Variants in PGBD5 observed in about 807,000 individuals in gnomAD.
PGBD5 encodes piggyBac transposable element derived 5.
Under a neutral mutation model 47.9 loss-of-function variants are expected in PGBD5, and 14 were observed. The observed-to-expected ratio is 0.29, with a 90% CI of 0.19 to 0.46. The LOEUF (loss-of-function observed/expected upper bound fraction) is 0.46, where lower values mean the gene tolerates loss of function less well. Ranked by LOEUF, PGBD5 falls within the 20% of genes least tolerant of loss-of-function variation. PGBD5 has a pLI of 1.00. For synonymous variants in PGBD5, 316 were observed against 306.3 expected (o/e 1.03, Z -0.33); for missense variants, 635 against 716.0 (o/e 0.89, Z 1.29).
At chr1:230,354,615 A>C (rs1215753943) in intron 2 of PGBD5, among the ~76,000 whole-genome samples, 1 of 152,244 alleles carries the variant, frequency 6.6e-6, no homozygotes, top group East Asian at 1.9e-4. Context: ...ATAGGCTCCA[A>C]GGAGTGGCCA....
intron 1 of PGBD5, among the ~76,000 whole-genome samples, chr1:230,375,346 C>T (rs906498910): frequency 2.0e-5 from 3 of 152,290 alleles, no homozygotes; most frequent in African/African-American, 7.2e-5. Flanking sequence ...AAAACACAAG[C>T]AAGGTCCCTG....
chr1:230,369,089 G>C (rs1176717440), intron 1 of PGBD5, among the ~76,000 whole-genome samples: 2 of 152,176 alleles, frequency 1.3e-5, no homozygotes, highest in Admixed American at 1.3e-4. Flanking sequence ...GACAGAATGA[G>C]AGTCTCGGGT....
chr1:230,328,374 A>T (rs1239953270), intron 5 of PGBD5, among the ~76,000 whole-genome samples: 1 of 152,180 alleles, frequency 6.6e-6, no homozygotes, highest in African/African-American at 2.4e-5. Context: ...CCCAGTTTAT[A>T]AACCAGATCA....
At chr1:230,371,223 T>C (rs1035010406) in intron 1 of PGBD5, among the ~76,000 whole-genome samples, 1 of 152,102 alleles carries the variant, frequency 6.6e-6, no homozygotes, top group African/African-American at 2.4e-5. Flanking sequence ...GGCAATTCTA[T>C]TTTTTTTCTA....
chr1:230,365,232 G>T (rs1001153916), intron 1 of PGBD5, among the ~76,000 whole-genome samples: 4 of 146,138 alleles, frequency 2.7e-5, no homozygotes, highest in African/African-American at 1.0e-4. Context: ...AGAATTGCTT[G>T]AACTCAGGAG....
chr1:230,421,565 A>G (rs535536828), intron 1 of PGBD5, among the ~76,000 whole-genome samples: 32 of 152,300 alleles, frequency 2.1e-4, no homozygotes, highest in African/African-American at 7.5e-4. Context: ...ATAATAATGC[A>G]TGAAAATGCA....
intron 4 of PGBD5, chr1:230,336,164 A>T (rs1166132356): frequency 6.6e-6 from 1 of 152,102 alleles, no homozygotes; most frequent in African/African-American, 2.4e-5. Flanking sequence ...TTCAGGGCCA[A>T]TTTTCTCTTG....
intron 1 of PGBD5, among the ~76,000 whole-genome samples, chr1:230,424,772 T>A (rs111713276): frequency 0.031 from 4,676 of 152,248 alleles, 81 homozygotes; most frequent in South Asian, 0.072. Context: ...GTCTGCAGCT[T>A]TCAAAGAAGG....
Position 230,316,088 on chromosome 1 carries a change from A to G in PGBD5, c.*7337T>C, listed in dbSNP as rs1262467584. 1 of 90,996 alleles carries G rather than the reference A, an allele frequency of 1.1e-5. No homozygotes were observed. The highest frequency in any genetic ancestry group is 3.7e-5 in the African/African-American group (1 of 27,224). 5.6% of individuals were successfully genotyped at this position (90,996 alleles called of 1,614,324 possible). Reference sequence around the variant, plus strand: ...TGTATACATACATGTTTATGTGTATACATACATATGTTTATGTGTACACAT... The same window carrying G: ...TGTATACATACATGTTTATGTGTATGCATACATATGTTTATGTGTACACAT... On this transcript the variant is annotated 3_prime_UTR_variant, in exon 7 of 7. Transcript: ENST00000391860.
intron 5 of PGBD5, among the ~76,000 whole-genome samples, chr1:230,326,042 G>C (rs889563994): frequency 6.6e-6 from 1 of 152,182 alleles, no homozygotes; most frequent in Non-Finnish European, 1.5e-5. Flanking sequence ...TAATTACCCT[G>C]ATCTGATCTC....
intron 1 of PGBD5, among the ~76,000 whole-genome samples, chr1:230,412,240 C>T (rs1657424417): frequency 6.6e-6 from 1 of 152,178 alleles, no homozygotes; most frequent in South Asian, 2.1e-4. Flanking sequence ...AAGGGGTTGA[C>T]CCCAACCCAG....
chr1:230,354,783 A>T (rs1354051970), intron 2 of PGBD5, among the ~76,000 whole-genome samples: 1 of 152,176 alleles, frequency 6.6e-6, no homozygotes, highest in African/African-American at 2.4e-5. Context: ...TGCTAGATGG[A>T]GCTCAGCATC....
At chr1:230,344,232 C>T (rs1571832006) in intron 3 of PGBD5, among the ~76,000 whole-genome samples, 1 of 151,544 alleles carries the variant, frequency 6.6e-6, no homozygotes, top group African/African-American at 2.4e-5. Context: ...TTGCAGTGAG[C>T]CGAGATCACG....
In PGBD5 at chr1:230,362,226, C is replaced by A. The variant is rs577866589; in HGVS notation, c.332-4905G>T. 4.5e-6 allele frequency: 6 copies of A among 1,345,042 alleles called. 1 individual carries two copies. In the African/African-American group the frequency reaches 7.5e-5, roughly 17 times the overall value. The allele number at this position is 1,345,042 out of a possible 1,614,324, so 83.3% of individuals were successfully genotyped here. A position where few individuals can be genotyped will look rare whatever the true frequency, so the allele number is the denominator to read the frequency against. On this transcript the variant is annotated intron_variant, in intron 1 of 6. Transcript: ENST00000391860. Reference sequence around the variant, plus strand: ...AGGATCTGATGGCTGTTCCCCAAATCAGGTGAGACCTGGCTGGGATTTAGC... The same window carrying A: ...AGGATCTGATGGCTGTTCCCCAAATAAGGTGAGACCTGGCTGGGATTTAGC...
At chr1:230,324,614 G>A (rs1667087058) in intron 6 of PGBD5, among the ~76,000 whole-genome samples, 1 of 152,172 alleles carries the variant, frequency 6.6e-6, no homozygotes, top group Admixed American at 6.5e-5. Context: ...CTGATTTTGA[G>A]TTAGCCCAAC....
intron 1 of PGBD5, among the ~76,000 whole-genome samples, chr1:230,386,241 C>T (rs771804029): frequency 4.4e-4 from 66 of 151,628 alleles, no homozygotes; most frequent in Non-Finnish European, 9.0e-4. Context: ...ACTGCTTGAA[C>T]CTAGGAGGTT....
At chr1:230,327,891 G>T (rs948228241) in intron 5 of PGBD5, among the ~76,000 whole-genome samples, 4 of 152,324 alleles carry the variant, frequency 2.6e-5, no homozygotes, top group African/African-American at 9.6e-5. Context: ...GCCCGTGCAG[G>T]TCTCCCATCT....
intron 1 of PGBD5, among the ~76,000 whole-genome samples, chr1:230,406,873 T>C (rs1657309163): frequency 6.6e-6 from 1 of 152,216 alleles, no homozygotes. Context: ...TTCACTCTTG[T>C]TGCCCAGGCT....
chr1:230,381,411 G>A (rs984265094), intron 1 of PGBD5, among the ~76,000 whole-genome samples: 3 of 152,246 alleles, frequency 2.0e-5, no homozygotes, highest in Admixed American at 6.5e-5. Context: ...ATGGCCTGCC[G>A]TGATGGAGCT....
Sources: allele counts gnomAD v4.1 joint callset (sites outside exome capture counted in the v4.1 genomes callset), GRCh38; gene constraint gnomAD v4.1.1; transcripts MANE v1.5; gene names NCBI Gene and HGNC (gene_info 2026-07-23, HGNC 2026-07-21).